The following FANK1 variants were observed in gnomAD, a reference collection of about 807,000 sequenced individuals.
FANK1 encodes fibronectin type III and ankyrin repeat domains 1, also known as fibronectin type 3 and ankyrin repeat domains protein 1.
A neutral mutation model predicts 45.3 loss-of-function variants in FANK1; 44 were observed. The observed-to-expected ratio is 0.97, with a 90% confidence interval of 0.76 to 1.25. The LOEUF (loss-of-function observed/expected upper bound fraction) is 1.25. FANK1 is among the 50% of genes most tolerant of loss of function. The probability of loss-of-function intolerance (pLI) is 0.00; values close to 1 mark genes in which losing one functional copy is unlikely to be tolerated. For synonymous variants in FANK1, 149 were observed against 152.5 expected, an observed-to-expected ratio of 0.98 and a Z score of 0.17; for missense variants, 391 against 424.4, an observed-to-expected ratio of 0.92 and a Z score of 0.69.
In FANK1 at chr10:125,906,560, A is replaced by C. The variant is rs185277930; in HGVS notation, c.13+9905A>C. Among the ~76,000 whole-genome samples the C allele has an allele frequency of 2.9e-3, 420 of 147,096 alleles. 2 individuals carry two copies. Among genetic ancestry groups the C allele is most frequent in the African/African-American group, 0.01 (394 of 39,282 alleles). On this transcript the variant is annotated intron_variant, in intron 1 of 10. Transcript: ENST00000368693. ...AAAAAAAAAATTCTTACCTCCTGGAAGTGTTTTACTAGTGTTGGTTTCTAT... is the reference window on the plus strand; with the variant it reads ...AAAAAAAAAATTCTTACCTCCTGGACGTGTTTTACTAGTGTTGGTTTCTAT...
At chr10:125,915,188 A>G (rs915948104) in intron 1 of FANK1, among the ~76,000 whole-genome samples, 1 of 152,218 alleles carries the variant, frequency 6.6e-6, no homozygotes, top group African/African-American at 2.4e-5. Flanking sequence ...TTTGAGAAGC[A>G]TGGCGTTAAC....
chr10:125,947,476 A>AAC, intron 1 of FANK1, among the ~76,000 whole-genome samples: 1 of 150,802 alleles, frequency 6.6e-6, no homozygotes, highest in South Asian at 2.1e-4. Flanking sequence ...AGTCTCTGAT[A>AAC]AAACAGACTT....
intron 1 of FANK1, among the ~76,000 whole-genome samples, chr10:125,958,475 T>G (rs1949719157): frequency 6.6e-6 from 1 of 152,164 alleles, no homozygotes; most frequent in South Asian, 2.1e-4. Flanking sequence ...TGGTCTCAAG[T>G]GATTGGCCAG....
Position 125,994,517 on chromosome 10 carries a change from T to C in FANK1, c.317-900T>C, listed in dbSNP as rs1952172393. On this transcript the variant is annotated intron_variant, in intron 3 of 10. Coordinates refer to ENST00000368693, the MANE Select transcript of FANK1 (RefSeq NM_145235.5). ...GTGGTGGGGCTGTATCCACTGACGA[T>C]GGTAGCTGCTGTACTGTCACCCCCA... 35 of 985,368 alleles carry C rather than the reference T, an allele frequency of 3.6e-5. No homozygotes were observed. The South Asian group carries it at 1.5e-3, about 42-fold the overall frequency. 61.0% of individuals were successfully genotyped at this position (985,368 alleles called of 1,614,324 possible). A position where few individuals can be genotyped will look rare whatever the true frequency, so the allele number is the denominator to read the frequency against.
At chr10:126,008,693 C>T in intron 8 of FANK1, 143 bp downstream of exon 8, 3 of 956,258 alleles carry the variant, frequency 3.1e-6, no homozygotes, top group Non-Finnish European at 4.6e-6. Flanking sequence ...TCGGCTTGTT[C>T]ATAAGGGCAT....
At chr10:125,907,364 G>A in intron 1 of FANK1, 1 of 377,766 alleles carries the variant, frequency 2.6e-6, no homozygotes, top group East Asian at 1.7e-4. Context: ...ACAACAACAA[G>A]TATTTATTAT....
At chr10:125,969,274 A>C (rs1435852442) in intron 1 of FANK1, among the ~76,000 whole-genome samples, 4 of 152,100 alleles carry the variant, frequency 2.6e-5, no homozygotes, top group African/African-American at 9.6e-5. Context: ...AAATCTTTAG[A>C]AAAGTTAAAA....
chr10:125,945,701 C>A (rs892272246), intron 1 of FANK1, among the ~76,000 whole-genome samples: 5 of 152,208 alleles, frequency 3.3e-5, no homozygotes, highest in Admixed American at 3.3e-4. Flanking sequence ...CCCAGGCTTG[C>A]TTAGGTAAAC....
intron 1 of FANK1, among the ~76,000 whole-genome samples, chr10:125,942,928 C>T (rs1297257186): frequency 6.6e-6 from 1 of 151,814 alleles, no homozygotes; most frequent in Non-Finnish European, 1.5e-5. Context: ...ATTCTCCTGC[C>T]TCAGCCTCCT....
chr10:125,988,872 ACTGG>A (rs1255229424), intron 3 of FANK1, 197 bp downstream of exon 3: 11 of 804,456 alleles, frequency 1.4e-5, no homozygotes, highest in Admixed American at 6.3e-5. Context: ...GCTTTCACAA[ACTGG>A]GAGAGCTATT....
intron 1 of FANK1, among the ~76,000 whole-genome samples, chr10:125,965,060 A>G (rs1221136564): frequency 1.3e-5 from 2 of 152,196 alleles, no homozygotes; most frequent in African/African-American, 4.8e-5. Flanking sequence ...TGGGAGGCTG[A>G]GGCAGGAGAA....
chr10:125,939,170 G>A (rs999435040), intron 1 of FANK1, among the ~76,000 whole-genome samples: 1 of 152,200 alleles, frequency 6.6e-6, no homozygotes, highest in Non-Finnish European at 1.5e-5. Context: ...ATGTGAATGT[G>A]AAAGACAACG....
intron 1 of FANK1, among the ~76,000 whole-genome samples, chr10:125,968,150 A>G (rs1950290950): frequency 6.6e-6 from 1 of 151,182 alleles, no homozygotes; most frequent in South Asian, 2.1e-4. Flanking sequence ...GCATGATGAT[A>G]GGGTCTCTCT....
intron 4 of FANK1, 31 bp from the exon 5 acceptor site, chr10:125,996,519 A>G: frequency 1.9e-6 from 3 of 1,610,512 alleles, no homozygotes; most frequent in Non-Finnish European, 2.5e-6. Context: ...TGTACTGAGC[A>G]TGTTTATCTC....
At chr10:125,967,658 C>T (rs1017131084) in intron 1 of FANK1, among the ~76,000 whole-genome samples, 1 of 152,152 alleles carries the variant, frequency 6.6e-6, no homozygotes, top group Admixed American at 6.5e-5. Context: ...GGCTGGGATG[C>T]AGTGGTACAA....
chr10:125,899,173 G>C (rs989911767), intron 1 of FANK1, among the ~76,000 whole-genome samples: 6 of 152,244 alleles, frequency 3.9e-5, no homozygotes, highest in Non-Finnish European at 2.9e-5. Context: ...TAATTCTCCT[G>C]CCTCAGCCTC....
intron 2 of FANK1, chr10:125,980,808 T>C (rs1414556192): frequency 6.5e-6 from 1 of 154,764 alleles, no homozygotes; most frequent in Non-Finnish European, 1.4e-5. Flanking sequence ...ATCTTGCTCG[T>C]TGCTGTGGTC....
At chr10:125,902,895 A>G (rs1236718283) in intron 1 of FANK1, among the ~76,000 whole-genome samples, 3 of 152,410 alleles carry the variant, frequency 2.0e-5, no homozygotes, top group Middle Eastern at 3.4e-3. Context: ...TATTAAGTCT[A>G]TCAATTAGGT....
intron 3 of FANK1, among the ~76,000 whole-genome samples, chr10:125,990,088 T>C (rs1170482153): frequency 6.6e-6 from 1 of 152,160 alleles, no homozygotes; most frequent in Non-Finnish European, 1.5e-5. Flanking sequence ...CTCGTGTGGC[T>C]TTCCCCTCCT....
Sources: allele counts gnomAD v4.1 joint callset (sites outside exome capture counted in the v4.1 genomes callset), GRCh38; gene constraint gnomAD v4.1.1; transcripts MANE v1.5; gene names NCBI Gene and HGNC (gene_info 2026-07-23, HGNC 2026-07-21).